The following OPCML variants were observed in gnomAD, a reference collection of about 807,000 sequenced individuals.
OPCML encodes opioid binding protein/cell adhesion molecule like, also known as opioid-binding protein/cell adhesion molecule.
OPCML carries 13 observed loss-of-function variants against 37.8 expected under a neutral mutation model. That is an observed-to-expected ratio of 0.34 (90% CI 0.22 to 0.55). The LOEUF (loss-of-function observed/expected upper bound fraction) is 0.55. Among genes scored for constraint, OPCML ranks in the 20% least tolerant of loss-of-function variants. The pLI, the probability that OPCML is intolerant of heterozygous loss-of-function variation, is 0.91. For synonymous variants in OPCML, 176 were observed against 168.8 expected, an observed-to-expected ratio of 1.04 and a Z score of -0.33; for missense variants, 341 against 435.6, an observed-to-expected ratio of 0.78 and a Z score of 1.93.
At chr11:133,522,585 G>C (rs1214778168) in intron 1 of OPCML, among the ~76,000 whole-genome samples, 1 of 152,148 alleles carries the variant, frequency 6.6e-6, no homozygotes, top group African/African-American at 2.4e-5. Context: ...AGCTTCAAGG[G>C]AACACAGTAA....
chr11:133,467,542 G>A (rs1349538795), intron 1 of OPCML, among the ~76,000 whole-genome samples: 1 of 152,152 alleles, frequency 6.6e-6, no homozygotes, highest in African/African-American at 2.4e-5. Flanking sequence ...TTTAAAGACT[G>A]GAAGAGAATC....
At chr11:133,119,826 A>G (rs973174793) in intron 1 of OPCML, among the ~76,000 whole-genome samples, 1 of 152,200 alleles carries the variant, frequency 6.6e-6, no homozygotes, top group Non-Finnish European at 1.5e-5. Flanking sequence ...CACGTCGCAC[A>G]GGATGCACGT....
intron 1 of OPCML, among the ~76,000 whole-genome samples, chr11:133,399,881 T>G (rs1945364604): frequency 6.7e-6 from 1 of 149,368 alleles, no homozygotes; most frequent in African/African-American, 2.4e-5. Context: ...ATATATAAAA[T>G]ATATATGAAT....
intron 1 of OPCML, among the ~76,000 whole-genome samples, chr11:133,017,514 C>T (rs1317724167): frequency 6.6e-6 from 1 of 152,082 alleles, no homozygotes; most frequent in Non-Finnish European, 1.5e-5. Flanking sequence ...TCTCCTGCCT[C>T]AGCCTCCCAA....
At chr11:133,422,528 T>G (rs1945913378) in intron 1 of OPCML, 1 of 974,984 alleles carries the variant, frequency 1.0e-6, no homozygotes, top group African/African-American at 1.8e-5. Flanking sequence ...AGAGACGGGG[T>G]CCTGCTCTAC....
chr11:133,266,875 G>A (rs1941676597), intron 1 of OPCML, among the ~76,000 whole-genome samples: 1 of 152,138 alleles, frequency 6.6e-6, no homozygotes. Context: ...AGCTTCCCCA[G>A]CACAGAATAA....
intron 2 of OPCML, among the ~76,000 whole-genome samples, chr11:132,777,071 A>C (rs1430702351): frequency 6.6e-6 from 1 of 152,174 alleles, no homozygotes; most frequent in African/African-American, 2.4e-5. Flanking sequence ...AGGAGACCTT[A>C]CTTCTCCAAC....
At chr11:132,725,174 C>T (rs1944831854) in intron 2 of OPCML, among the ~76,000 whole-genome samples, 1 of 152,228 alleles carries the variant, frequency 6.6e-6, no homozygotes, top group Admixed American at 6.5e-5. Context: ...GAGAGCCCCA[C>T]CCCTGCAGCA....
At chr11:133,187,981 C>T (rs1205505121) in intron 1 of OPCML, among the ~76,000 whole-genome samples, 3 of 152,138 alleles carry the variant, frequency 2.0e-5, no homozygotes, top group African/African-American at 7.2e-5. Context: ...TGATGCTGTC[C>T]AAACACTCAG....
chr11:133,202,748 C>T (rs1029243115), intron 1 of OPCML, among the ~76,000 whole-genome samples: 1 of 152,242 alleles, frequency 6.6e-6, no homozygotes, highest in African/African-American at 2.4e-5. Flanking sequence ...CTGACACTGG[C>T]TCTGCCACAC....
At chr11:132,446,573 T>A (rs2096055849) in intron 4 of OPCML, among the ~76,000 whole-genome samples, 1 of 152,188 alleles carries the variant, frequency 6.6e-6, no homozygotes, top group South Asian at 2.1e-4. Context: ...TATTTTTACA[T>A]AGTAGAGCTT....
intron 1 of OPCML, chr11:133,419,421 T>G (rs1945835922): frequency 1.4e-6 from 1 of 724,838 alleles, no homozygotes; most frequent in South Asian, 6.2e-5. Flanking sequence ...TATGAGCCAA[T>G]TACTAAATAC....
intron 2 of OPCML, among the ~76,000 whole-genome samples, chr11:132,744,484 A>G (rs976543150): frequency 4.6e-5 from 7 of 152,024 alleles, no homozygotes; most frequent in Non-Finnish European, 8.8e-5. Context: ...CTTTGTCTCC[A>G]CCTCTAGCCA....
chr11:132,881,045 A>G (rs1206386499), intron 2 of OPCML, among the ~76,000 whole-genome samples: 1 of 152,220 alleles, frequency 6.6e-6, no homozygotes, highest in African/African-American at 2.4e-5. Flanking sequence ...CACTCACATG[A>G]CATAGTTTGA....
intron 1 of OPCML, among the ~76,000 whole-genome samples, chr11:133,279,504 T>A (rs1289949890): frequency 2.0e-5 from 3 of 152,188 alleles, no homozygotes; most frequent in African/African-American, 7.2e-5. Context: ...GTAGGCAGAA[T>A]CAGTCTCTGG....
chr11:133,398,839 T>G (rs7107492), intron 1 of OPCML, among the ~76,000 whole-genome samples: 71,473 of 151,800 alleles, frequency 0.47, 19,567 homozygotes, highest in African/African-American at 0.77. Context: ...CAGGGTCCCA[T>G]GCCTCACCAA....
intron 1 of OPCML, among the ~76,000 whole-genome samples, chr11:132,982,275 T>C (rs1942236516): frequency 6.6e-6 from 1 of 152,196 alleles, no homozygotes; most frequent in African/African-American, 2.4e-5. Flanking sequence ...TATGAAGTTC[T>C]TCCATTTATC....
chr11:133,439,580 G>A (rs1192193034), intron 1 of OPCML, among the ~76,000 whole-genome samples: 1 of 151,888 alleles, frequency 6.6e-6, no homozygotes, highest in Non-Finnish European at 1.5e-5. Context: ...TCATTCTCCT[G>A]CCTCAGCCTC....
chr11:132,631,652 A>G (rs1283860860), intron 3 of OPCML, among the ~76,000 whole-genome samples: 1 of 150,804 alleles, frequency 6.6e-6, no homozygotes, highest in Non-Finnish European at 1.5e-5. Flanking sequence ...TTTAGTAGAG[A>G]CATATATTTT....
Sources: allele counts gnomAD v4.1 joint callset (sites outside exome capture counted in the v4.1 genomes callset), GRCh38; gene constraint gnomAD v4.1.1; transcripts MANE v1.5; gene names NCBI Gene and HGNC (gene_info 2026-07-23, HGNC 2026-07-21).